Variants in SP3 observed in about 807,000 individuals in gnomAD.
SP3 encodes the protein Sp3 transcription factor.
In SP3, 10 loss-of-function variants were observed where a neutral mutation model predicts 70.3. That is an observed-to-expected ratio of 0.14 (90% CI 0.09 to 0.24). SP3 has a LOEUF of 0.24. SP3 is among the 10% of genes least tolerant of loss of function. The pLI is 1.00. For missense variants in SP3, 825 were observed against 914.6 expected (o/e 0.90, Z 1.26); for synonymous variants, 402 against 333.5 (o/e 1.21, Z -2.24).
chr2:173,961,945 T>TTTG (rs1553519087), intron 3 of SP3, among the ~76,000 whole-genome samples: 33 of 151,122 alleles, frequency 2.2e-4, no homozygotes, highest in Admixed American at 2.0e-4. Flanking sequence ...GTTTTTTTTT[T>TTTG]TTTTTTTTTT....
intron 2 of SP3, chr2:173,964,129 G>C: frequency 2.8e-6 from 1 of 359,690 alleles, no homozygotes. Flanking sequence ...GCTGCGCGCC[G>C]GGCCTCCGCC....
intron 2 of SP3, 46 bp downstream of exon 2, chr2:173,964,359 A>C: frequency 1.6e-6 from 1 of 627,250 alleles, no homozygotes; most frequent in Non-Finnish European, 2.9e-6. Flanking sequence ...GGGGAGGAGA[A>C]AGCGGCGCGA....
chr2:173,943,041 TA>T (rs551620898), intron 4 of SP3, among the ~76,000 whole-genome samples: 6 of 152,240 alleles, frequency 3.9e-5, no homozygotes, highest in African/African-American at 1.4e-4. Flanking sequence ...TTTGATATTC[TA>T]GGGGGTGTAG....
intron 4 of SP3, among the ~76,000 whole-genome samples, chr2:173,951,529 G>A (rs1361915404): frequency 6.6e-6 from 1 of 152,194 alleles, no homozygotes; most frequent in Non-Finnish European, 1.5e-5. Flanking sequence ...GTAATGTCTA[G>A]AGTGAATAAA....
At chr2:173,924,857 T>C (rs984630840) in intron 4 of SP3, among the ~76,000 whole-genome samples, 1 of 152,222 alleles carries the variant, frequency 6.6e-6, no homozygotes, top group Admixed American at 6.5e-5. Flanking sequence ...TTTAAAAATC[T>C]AGGAAAGATA....
In SP3 at chr2:173,909,863, A is replaced by C; in HGVS notation, c.*78T>G. On this transcript the variant is annotated 3_prime_UTR_variant, in exon 7 of 7. Coordinates refer to ENST00000310015, the MANE Select transcript of SP3 (RefSeq NM_003111.5). ...AAAATTTTTGCACATCAATAAAAAG[A>C]TATCTAAGAACTTAGGAACAATATT... 2 of 1,433,854 alleles carry C rather than the reference A, an allele frequency of 1.4e-6. No homozygotes were observed. Among genetic ancestry groups the C allele is most frequent in the Admixed American group, 4.5e-5 (2 of 44,602 alleles). The allele number at this position is 1,433,854 out of a possible 1,614,324, so 88.8% of individuals were successfully genotyped here. A position where few individuals can be genotyped will look rare whatever the true frequency, so the allele number is the denominator to read the frequency against.
Position 173,956,230 on chromosome 2 carries a change from T to A in SP3, c.282A>T (p.Thr94=). 1.3e-6 allele frequency: 2 copies of A among 1,578,750 alleles called. No individual in the cohort carries two copies. The highest frequency in any genetic ancestry group is 1.7e-6 in the Non-Finnish European group (2 of 1,162,820). The change falls in exon 4 of 7, where the codon ACA becomes ACT. Residue 94 remains threonine, a splice_region_variant and synonymous_variant. Transcript: ENST00000310015. ...CTAACTGTGCAGAAGCCAAATCACC[T>A]GTCTGGATGAAGAAAACAAAAAGGT... ...AAGAPAAAGA[T]GDLASAQLGG...
chr2:173,941,474 G>A (rs1164746366), intron 4 of SP3, among the ~76,000 whole-genome samples: 1 of 152,176 alleles, frequency 6.6e-6, no homozygotes, highest in Non-Finnish European at 1.5e-5. Context: ...GCCAGACATG[G>A]CAGCACACAT....
Position 173,904,133 on chromosome 2 carries a change from T to C in SP3, c.*5808A>G, listed in dbSNP as rs770569680. Among the ~76,000 whole-genome samples the C allele has an allele frequency of 1.1e-4, 16 of 152,108 alleles. No individual in the cohort carries two copies. Among genetic ancestry groups the C allele is most frequent in the Non-Finnish European group, 2.2e-4 (15 of 68,026 alleles). Reference sequence around the variant, plus strand: ...GGTTCGCACTCCTATGAGAATCTAATGTTGTGGCTCATCTGACAGGAGGCA... The same window carrying C: ...GGTTCGCACTCCTATGAGAATCTAACGTTGTGGCTCATCTGACAGGAGGCA... On this transcript the variant is annotated 3_prime_UTR_variant, in exon 7 of 7. Transcript: ENST00000310015.
intron 4 of SP3, among the ~76,000 whole-genome samples, chr2:173,923,619 A>G (rs532359570): frequency 2.6e-5 from 4 of 152,230 alleles, no homozygotes; most frequent in Admixed American, 2.6e-4. Context: ...ATAAATATGA[A>G]TTACAGTATG....
intron 3 of SP3, among the ~76,000 whole-genome samples, chr2:173,959,264 T>A (rs1690985200): frequency 6.6e-6 from 1 of 151,756 alleles, no homozygotes; most frequent in African/African-American, 2.4e-5. Context: ...GTAAAAGAAA[T>A]TTCATCAGCA....
At chr2:173,920,764 T>C (rs1290161409) in intron 4 of SP3, among the ~76,000 whole-genome samples, 1 of 152,098 alleles carries the variant, frequency 6.6e-6, no homozygotes, top group East Asian at 1.9e-4. Flanking sequence ...CTAGTTTTTG[T>C]ATTTTTAGTA....
chr2:173,914,420 A>G (rs1689574733), intron 5 of SP3: 1 of 152,122 alleles, frequency 6.6e-6, no homozygotes, highest in South Asian at 2.1e-4. Context: ...TACTGGAAAA[A>G]TGCATATTTC....
rs1340619730 is a variant in SP3, at chr2:173,900,833, G to A, written c.*9108C>T. Among the ~76,000 whole-genome samples, 1 of 152,282 alleles carries A rather than the reference G, an allele frequency of 6.6e-6. No individual in the cohort carries two copies. Among genetic ancestry groups the A allele is most frequent in the East Asian group, 1.9e-4 (1 of 5,194 alleles). On this transcript the variant is annotated 3_prime_UTR_variant, in exon 7 of 7. Coordinates refer to ENST00000310015, the MANE Select transcript of SP3 (RefSeq NM_003111.5). ...CATTAAAGACTTGAATTAATGGAGA[G>A]ATACAGAATTATCATGGATAGAAAG...
intron 4 of SP3, among the ~76,000 whole-genome samples, chr2:173,927,607 A>G (rs1323734029): frequency 6.6e-6 from 1 of 152,154 alleles, no homozygotes; most frequent in Non-Finnish European, 1.5e-5. Context: ...GTTGAAATGC[A>G]ATGGTAATGG....
chr2:173,957,490 C>CA (rs1690933891), intron 3 of SP3, among the ~76,000 whole-genome samples: 1 of 151,988 alleles, frequency 6.6e-6, no homozygotes, highest in South Asian at 2.1e-4. Flanking sequence ...AGCATAGAAA[C>CA]AATAAAATCA....
At chr2:173,925,913 G>A (rs79722718) in intron 4 of SP3, among the ~76,000 whole-genome samples, 88 of 152,274 alleles carry the variant, frequency 5.8e-4, no homozygotes, top group East Asian at 1.5e-3. Context: ...ATTCCTAACT[G>A]CTATCCAATA....
chr2:173,922,991 C>T (rs557407350), intron 4 of SP3, among the ~76,000 whole-genome samples: 1 of 152,256 alleles, frequency 6.6e-6, no homozygotes, highest in South Asian at 2.1e-4. Flanking sequence ...CCTTTATATT[C>T]TGTAGCAATA....
In SP3 at chr2:173,904,955, T is replaced by C. The variant is rs1047618049; in HGVS notation, c.*4986A>G. On this transcript the variant is annotated 3_prime_UTR_variant, in exon 7 of 7. Coordinates refer to ENST00000310015, the MANE Select transcript of SP3 (RefSeq NM_003111.5). ...CTTTATCTTTCAGTCGCAATGAACC[T>C]GAAGATTCTTCGGCTGGTTTTTAGA... is the stretch of plus-strand genomic sequence containing the variant. Among the ~76,000 whole-genome samples, 2 of 152,232 alleles carry C rather than the reference T, an allele frequency of 1.3e-5. No individual in the cohort carries two copies. The highest frequency in any genetic ancestry group is 2.9e-5 in the Non-Finnish European group (2 of 68,036).
Sources: gnomAD v4.1 joint callset for allele counts (sites outside exome capture counted in the v4.1 genomes callset) on GRCh38, gnomAD v4.1.1 for gene constraint, MANE v1.5 for transcripts, NCBI Gene and HGNC (gene_info 2026-07-23, HGNC 2026-07-21) for gene names.